HFM1: variants seen among roughly 807,000 people sequenced by gnomAD.
HFM1 encodes the protein helicase for meiosis 1.
In HFM1, 169 loss-of-function variants were observed where a neutral mutation model predicts 192.1. The ratio of observed to expected loss-of-function variants is 0.88; its 90% CI spans 0.78 to 1.00. The LOEUF (loss-of-function observed/expected upper bound fraction) is 1.00. HFM1 is among the 50% of genes least tolerant of loss of function. HFM1 has a pLI of 0.00. For synonymous variants in HFM1, 525 were observed against 537.8 expected (o/e 0.98, Z 0.33); for missense variants, 1,661 against 1,668.0 (o/e 1.00, Z 0.07).
rs775085469 is a variant in HFM1, at chr1:91,385,772, G to A, written c.557C>T (p.Ser186Phe). 3 of 1,607,440 alleles carry A rather than the reference G, an allele frequency of 1.9e-6. No individual in the cohort carries two copies. In the Admixed American group the frequency reaches 5.0e-5, roughly 27 times the overall value. The change falls in exon 5 of 39, where the codon TCT (serine) becomes TTT (phenylalanine). Residue 186 changes from serine to phenylalanine, a missense_variant. Coordinates refer to ENST00000370425, the MANE Select transcript of HFM1 (RefSeq NM_001017975.6). ...TACAATTTTCACTGAGCCAATGTGA[G>A]AGTCCAATTCATTGTCATTAGAATA... ...SAYSNDNELD[S>F]HIGSVKIVQT... is the part of the protein sequence containing the mutation.
intron 30 of HFM1, among the ~76,000 whole-genome samples, chr1:91,305,382 CTT>C: frequency 6.6e-6 from 1 of 152,142 alleles, no homozygotes; most frequent in South Asian, 2.1e-4. Flanking sequence ...ACTTCTTACA[CTT>C]TTTTGTTCAA....
chr1:91,328,393 G>A, intron 20 of HFM1: 1 of 1,587,258 alleles, frequency 6.3e-7, no homozygotes, highest in Non-Finnish European at 8.6e-7. Context: ...GGGTATTCAA[G>A]GCCTGGCCAA....
In HFM1 at chr1:91,324,704, T is replaced by C. The variant is rs1470399324; in HGVS notation, c.2398A>G (p.Ile800Val). 9.1e-6 allele frequency: 14 copies of C among 1,538,398 alleles called. No individual in the cohort carries two copies. In the East Asian group the frequency reaches 1.1e-4, roughly 12 times the overall value. The change falls in exon 21 of 39, where the codon ATC becomes GTC. Residue 800 changes from isoleucine (I) to valine (V), a missense_variant. Physicochemically the swap from Ile to Val is conservative, Grantham distance 29. Transcript: ENST00000370425. ...TFETVKKFYT[I>V]SGKETLSDLV... ...TCTGATAAGGTTTCTTTTCCACTGA[T>C]TGTATAAAATTTCTTCACTGTCTCA...
chr1:91,272,543 A>AGACAAGC lies in HFM1; in HGVS notation c.3772+1162_3772+1168dup, dbSNP rs368043566. Among the ~76,000 whole-genome samples the AGACAAGC allele has an allele frequency of 2.5e-3, 379 of 152,230 alleles. 3 individuals carry two copies. Among genetic ancestry groups the AGACAAGC allele is most frequent in the African/African-American group, 8.5e-3 (354 of 41,564 alleles). ...CACAAAAGTAAGCAGAGGGAAGGATAGACAAGCTCTTGTATGCAGAAGGAC... is the reference window on the plus strand; with the variant it reads ...CACAAAAGTAAGCAGAGGGAAGGATAGACAAGCGACAAGCTCTTGTATGCAGAAGGAC... On this transcript the variant is annotated intron_variant, in intron 34 of 38. Coordinates refer to ENST00000370425, the MANE Select transcript of HFM1 (RefSeq NM_001017975.6).
intron 30 of HFM1, among the ~76,000 whole-genome samples, chr1:91,296,730 T>G (rs530635292): frequency 6.6e-6 from 1 of 152,346 alleles, no homozygotes; most frequent in Admixed American, 6.5e-5. Flanking sequence ...GTAGTGGTCT[T>G]GAGCATCTTT....
At chr1:91,401,749 T>C (rs1335567249) in intron 1 of HFM1, among the ~76,000 whole-genome samples, 1 of 152,202 alleles carries the variant, frequency 6.6e-6, no homozygotes, top group African/African-American at 2.4e-5. Flanking sequence ...TACATATGCA[T>C]ATTTATTTAT....
chr1:91,331,290 T>C (rs1312242080), intron 20 of HFM1, among the ~76,000 whole-genome samples: 1 of 152,060 alleles, frequency 6.6e-6, no homozygotes. Context: ...GGATACAACA[T>C]CAACATGCAA....
intron 11 of HFM1, 173 bp downstream of exon 11, chr1:91,377,838 TAAACCTGATTAACC>T: frequency 1.7e-6 from 1 of 583,124 alleles, no homozygotes; most frequent in East Asian, 3.0e-5. Context: ...AATGTTTTAT[TAAACCTGATTAACC>T]AAATTTTATG....
chr1:91,391,045 G>A (rs1571221084), intron 4 of HFM1, among the ~76,000 whole-genome samples: 1 of 152,114 alleles, frequency 6.6e-6, no homozygotes, highest in African/African-American at 2.4e-5. Flanking sequence ...AACTTACAAG[G>A]GATGTGAAGG....
intron 3 of HFM1, 46 bp from the exon 4 acceptor site, chr1:91,394,448 G>C (rs1312369476): frequency 8.9e-7 from 1 of 1,124,976 alleles, no homozygotes; most frequent in African/African-American, 1.6e-5. Flanking sequence ...TCCATTAAAG[G>C]AAATTTTCAA....
intron 18 of HFM1, 49 bp downstream of exon 18, chr1:91,350,689 C>A (rs1452927082): frequency 3.2e-6 from 5 of 1,572,192 alleles, no homozygotes; most frequent in African/African-American, 2.7e-5. Flanking sequence ...TAAATACAGG[C>A]CTAGCTGGCT....
intron 1 of HFM1, among the ~76,000 whole-genome samples, chr1:91,402,252 G>A (rs969332632): frequency 6.6e-6 from 1 of 152,086 alleles, no homozygotes; most frequent in Non-Finnish European, 1.5e-5. Context: ...AGTGATATGG[G>A]GAAGGGAGAA....
rs1224994192 is a variant in HFM1 at position 91,353,141 on chromosome 1, C to A, written c.1741G>T (p.Asp581Tyr). 3.7e-6 allele frequency: 6 copies of A among 1,608,318 alleles called. No individual in the cohort carries two copies. Among genetic ancestry groups the A allele is most frequent in the Middle Eastern group, 1.7e-4 (1 of 6,048 alleles). The change falls in exon 15 of 39, where the codon GAT becomes TAT. Residue 581 changes from aspartate (D) to tyrosine (Y), a missense_variant. Asp to Tyr is a radical substitution (Grantham distance 160). Coordinates refer to ENST00000370425, the MANE Select transcript of HFM1 (RefSeq NM_001017975.6). ...CCAGCATGATGATAAGCAGCACCAT[C>A]TTTTAAGATATCTGTAATAGAAATA... ...RDSKLRDILK[D>Y]GAAYHHAGME...
rs59313149 is a variant in HFM1 at position 91,314,845 on chromosome 1, T to C, written c.3141-785A>G. On this transcript the variant is annotated intron_variant, in intron 28 of 38. Transcript: ENST00000370425. The stretch of plus-strand genomic sequence containing the variant: ...GAACAAAGATTTGTACAACAGCATA[T>C]TCTCTATAAGTGGGTCATGGTTAGC... 1.3e-4 allele frequency among the ~76,000 whole-genome samples: 20 copies of C among 152,316 alleles called. No individual in the cohort carries two copies. In the East Asian group the frequency reaches 3.7e-3, roughly 28 times the overall value.
intron 2 of HFM1, among the ~76,000 whole-genome samples, chr1:91,397,698 C>T (rs2102182010): frequency 6.6e-6 from 1 of 152,318 alleles, no homozygotes; most frequent in Non-Finnish European, 1.5e-5. Flanking sequence ...AGATCACCCC[C>T]AGTTCAATAA....
At chr1:91,288,208 T>C (rs997751952) in intron 30 of HFM1, among the ~76,000 whole-genome samples, 39 of 151,272 alleles carry the variant, frequency 2.6e-4, no homozygotes, top group African/African-American at 9.0e-4. Context: ...AGACACATAA[T>C]TGTCAGATTC....
intron 32 of HFM1, among the ~76,000 whole-genome samples, chr1:91,276,217 C>A (rs1276692990): frequency 6.6e-6 from 1 of 152,160 alleles, no homozygotes; most frequent in Non-Finnish European, 1.5e-5. Flanking sequence ...GGAATCCTTT[C>A]TTGGTCCATC....
chr1:91,315,763 T>C, intron 28 of HFM1, 52 bp downstream of exon 28: 1 of 1,360,558 alleles, frequency 7.3e-7, no homozygotes, highest in Non-Finnish European at 9.9e-7. Context: ...GAATTTTTCT[T>C]TTACAGTATA....
At position 91,375,644 on chromosome 1, in the gene HFM1, T is replaced by C; in HGVS notation, c.1479A>G (p.Lys493=). The change falls in exon 12 of 39, where the codon AAA becomes AAG. Residue 493 remains lysine (K), a synonymous_variant. Coordinates refer to ENST00000370425, the MANE Select transcript of HFM1 (RefSeq NM_001017975.6). ...TACTGCAGGGAAATCCAAGGACCAC[T>C]TTCTGAAGTTTCACTGGTCTATGGC... is the stretch of plus-strand genomic sequence containing the variant. ...DESHRPVKLQ[K]VVLGFPCSSN... 6 of 1,613,464 alleles carry C rather than the reference T, an allele frequency of 3.7e-6. No homozygotes were observed. The highest frequency in any genetic ancestry group is 5.1e-6 in the Non-Finnish European group (6 of 1,179,550).
Sources: gnomAD v4.1 joint callset for allele counts (sites outside exome capture counted in the v4.1 genomes callset) on GRCh38, gnomAD v4.1.1 for gene constraint, MANE v1.5 for transcripts, NCBI Gene and HGNC (gene_info 2026-07-23, HGNC 2026-07-21) for gene names.